The following GULP1 variants were observed in gnomAD, a reference collection of about 807,000 sequenced individuals.
GULP1 encodes the protein PTB domain-containing engulfment adapter protein 1.
A neutral mutation model predicts 40.9 loss-of-function variants in GULP1; 19 were observed. That is an observed-to-expected ratio of 0.46 (90% CI 0.32 to 0.68). The LOEUF (loss-of-function observed/expected upper bound fraction) is 0.68. Ranked by LOEUF, GULP1 falls within the 30% of genes least tolerant of loss-of-function variation. GULP1 has a pLI of 0.03. For missense variants in GULP1, 312 were observed against 362.2 expected (o/e 0.86, Z 1.12); for synonymous variants, 119 against 117.6 (o/e 1.01, Z -0.08).
At chr2:188,371,447 A>G (rs2047586966) in intron 1 of GULP1, among the ~76,000 whole-genome samples, 1 of 152,126 alleles carries the variant, frequency 6.6e-6, no homozygotes, top group Admixed American at 6.6e-5. Context: ...CATTTGTAAG[A>G]AGGAAATAAG....
chr2:188,556,850 C>T (rs898583868), intron 7 of GULP1, among the ~76,000 whole-genome samples: 2 of 151,918 alleles, frequency 1.3e-5, no homozygotes, highest in South Asian at 2.1e-4. Flanking sequence ...GGTGAAACCC[C>T]GTCTCTACTA....
intron 2 of GULP1, among the ~76,000 whole-genome samples, chr2:188,437,307 C>G (rs562172901): frequency 6.6e-6 from 1 of 151,982 alleles, no homozygotes; most frequent in African/African-American, 2.4e-5. Context: ...CCCAAACGAT[C>G]TAATTGGCAG....
chr2:188,557,855 A>G (rs944589618), intron 7 of GULP1, among the ~76,000 whole-genome samples: 4 of 152,222 alleles, frequency 2.6e-5, no homozygotes, highest in Admixed American at 2.6e-4. Context: ...CCTCTGAAGC[A>G]GTGACCTGTG....
intron 2 of GULP1, among the ~76,000 whole-genome samples, chr2:188,456,767 C>A (rs1393682238): frequency 6.6e-6 from 1 of 152,122 alleles, no homozygotes; most frequent in Non-Finnish European, 1.5e-5. Context: ...AGAGCTTGTA[C>A]CGTGCACCTG....
chr2:188,417,956 ATTTT>A lies in GULP1; in HGVS notation c.-45+34073_-45+34076del, dbSNP rs200610901. 2.0e-5 allele frequency among the ~76,000 whole-genome samples: 3 copies of A among 150,600 alleles called. No individual in the cohort carries two copies. In the South Asian group the frequency reaches 6.3e-4, roughly 32 times the overall value. On this transcript the variant is annotated intron_variant, in intron 2 of 11. Transcript: ENST00000409830. The stretch of plus-strand genomic sequence containing the variant: ...ACAGACACATCATCTCACACAGCTG[ATTTT>A]TTTTTGTTTTTTTGTTTTGTTTTGT...
intron 11 of GULP1, chr2:188,591,249 C>A (rs2153476116): frequency 6.6e-6 from 1 of 152,140 alleles, no homozygotes; most frequent in South Asian, 2.1e-4. Context: ...TTTAATCTAG[C>A]AGATTATTTT....
At chr2:188,513,248 A>T (rs1028328634) in intron 4 of GULP1, among the ~76,000 whole-genome samples, 12 of 152,162 alleles carry the variant, frequency 7.9e-5, no homozygotes, top group Admixed American at 7.9e-4. Flanking sequence ...TATATAGACT[A>T]ATAATACACA....
chr2:188,338,149 A>G (rs10804020), intron 1 of GULP1, among the ~76,000 whole-genome samples: 74,362 of 151,948 alleles, frequency 0.49, 18,686 homozygotes, highest in East Asian at 0.72. Flanking sequence ...AGATCTTACT[A>G]GGCTCCTCAA....
chr2:188,343,531 CA>C (rs1018043091), intron 1 of GULP1, among the ~76,000 whole-genome samples: 1 of 152,122 alleles, frequency 6.6e-6, no homozygotes, highest in Non-Finnish European at 1.5e-5. Context: ...AAGCGAATTA[CA>C]AAAAGACGCA....
intron 2 of GULP1, among the ~76,000 whole-genome samples, chr2:188,433,760 G>A (rs1250263809): frequency 6.6e-6 from 1 of 151,998 alleles, no homozygotes; most frequent in East Asian, 1.9e-4. Flanking sequence ...TTTTTTCTGA[G>A]CCCAATATGC....
At chr2:188,327,144 A>T (rs1168054678) in intron 1 of GULP1, among the ~76,000 whole-genome samples, 1 of 152,116 alleles carries the variant, frequency 6.6e-6, no homozygotes, top group East Asian at 1.9e-4. Context: ...TGCATTGAGA[A>T]CATTTTTATC....
intron 1 of GULP1, among the ~76,000 whole-genome samples, chr2:188,325,425 G>C (rs918725865): frequency 6.6e-6 from 1 of 152,094 alleles, no homozygotes; most frequent in African/African-American, 2.4e-5. Context: ...TAGCCAACTA[G>C]AATTACTTAA....
intron 2 of GULP1, among the ~76,000 whole-genome samples, chr2:188,422,494 G>A (rs1341921827): frequency 6.6e-6 from 1 of 151,210 alleles, no homozygotes; most frequent in Non-Finnish European, 1.5e-5. Flanking sequence ...AAATAGCCCT[G>A]GGAAATTTGA....
intron 2 of GULP1, among the ~76,000 whole-genome samples, chr2:188,452,359 C>T (rs1291049091): frequency 6.6e-6 from 1 of 152,096 alleles, no homozygotes; most frequent in Non-Finnish European, 1.5e-5. Context: ...GGGATTCTGC[C>T]TGACAACAAT....
At chr2:188,434,776 A>G (rs1192994088) in intron 2 of GULP1, among the ~76,000 whole-genome samples, 1 of 150,284 alleles carries the variant, frequency 6.7e-6, no homozygotes, top group Non-Finnish European at 1.5e-5. Flanking sequence ...CATATCTTCT[A>G]TTTTCTTAAT....
intron 1 of GULP1, among the ~76,000 whole-genome samples, chr2:188,313,895 C>G (rs1377166365): frequency 6.6e-6 from 1 of 151,088 alleles, no homozygotes; most frequent in African/African-American, 2.4e-5. Context: ...ATATAGTTCT[C>G]CTTGAAGAGG....
intron 4 of GULP1, among the ~76,000 whole-genome samples, chr2:188,490,694 C>T (rs560722587): frequency 1.1e-3 from 169 of 152,164 alleles, no homozygotes; most frequent in African/African-American, 4.0e-3. Flanking sequence ...TCCTTAAATG[C>T]TTCTTCACCT....
At chr2:188,358,879 A>G (rs1359472376) in intron 1 of GULP1, among the ~76,000 whole-genome samples, 1 of 152,168 alleles carries the variant, frequency 6.6e-6, no homozygotes, top group Non-Finnish European at 1.5e-5. Context: ...ATGAGTAAAT[A>G]TTAAGTAATT....
chr2:188,380,097 T>C (rs1238849691), intron 1 of GULP1, among the ~76,000 whole-genome samples: 8 of 152,216 alleles, frequency 5.3e-5, no homozygotes, highest in Non-Finnish European at 1.2e-4. Flanking sequence ...AGAAAATTAC[T>C]TTTCTAATTT....
Sources: allele counts gnomAD v4.1 joint callset (sites outside exome capture counted in the v4.1 genomes callset), GRCh38; gene constraint gnomAD v4.1.1; transcripts MANE v1.5; gene names NCBI Gene and HGNC (gene_info 2026-07-23, HGNC 2026-07-21).